Variants in LPXN observed in about 807,000 individuals in gnomAD.
LPXN encodes leupaxin.
LPXN carries 28 observed loss-of-function variants against 45.6 expected under a neutral mutation model. The ratio of observed to expected loss-of-function variants is 0.61; its 90% CI spans 0.45 to 0.84. The LOEUF is 0.84. LPXN is among the 40% of genes least tolerant of loss of function. LPXN has a pLI of 0.00. For synonymous variants in LPXN, 166 were observed against 169.9 expected (o/e 0.98, Z 0.18); for missense variants, 459 against 475.0 (o/e 0.97, Z 0.31).
At chr11:58,537,452 G>A (rs1288561074) in intron 7 of LPXN, among the ~76,000 whole-genome samples, 1 of 152,112 alleles carries the variant, frequency 6.6e-6, no homozygotes, top group Non-Finnish European at 1.5e-5. Context: ...ATAAGTGGGA[G>A]TTGAACAATG....
rs373163473 is a variant in LPXN, at chr11:58,527,469, C to T, written c.1146G>A (p.Lys382=). Residue 382 remains lysine (K), a synonymous_variant, in exon 9 of 9, where the codon AAG becomes AAA. Transcript: ENST00000395074. The part of the protein sequence containing the change: ...DKTYCQPCFN[K]LFPL ...TCAGTTGGCATTACAGTGGGAAGAG[C>T]TTATTGAAGCAAGGTTGACAATAGG... 6.2e-7 allele frequency: 1 copy of T among 1,614,162 alleles called. No individual in the cohort carries two copies. The highest frequency in any genetic ancestry group is 1.3e-5 in the African/African-American group (1 of 75,028).
At chr11:58,543,042 C>T (rs1853776736) in intron 7 of LPXN, among the ~76,000 whole-genome samples, 1 of 152,126 alleles carries the variant, frequency 6.6e-6, no homozygotes, top group South Asian at 2.1e-4. Flanking sequence ...CTTTGCTTAC[C>T]TCAGGGGTCT....
At chr11:58,534,981 T>C (rs1258964372) in intron 7 of LPXN, among the ~76,000 whole-genome samples, 8 of 152,160 alleles carry the variant, frequency 5.3e-5, no homozygotes, top group Non-Finnish European at 1.0e-4. Flanking sequence ...AGAAGTCAGA[T>C]CCCTGGATAG....
rs1237751274 is a variant in LPXN, at chr11:58,527,402, C to T, written c.*52G>A. 20 of 1,591,574 alleles carry T rather than the reference C, an allele frequency of 1.3e-5. No individual in the cohort carries two copies. Among genetic ancestry groups the T allele is most frequent in the Non-Finnish European group, 1.7e-5 (20 of 1,162,616 alleles). On this transcript the variant is annotated 3_prime_UTR_variant, in exon 9 of 9. Transcript: ENST00000395074. ...CAGAAAATTTACCCTTTCCTCTCCT[C>T]TCTTGGTTTAAATTTTATAAGGAAT...
At chr11:58,563,166 C>CACAATAT (rs1854428877) in intron 3 of LPXN, among the ~76,000 whole-genome samples, 2 of 152,294 alleles carry the variant, frequency 1.3e-5, no homozygotes, top group African/African-American at 4.8e-5. Context: ...CAAATATTTA[C>CACAATAT]TGAGGACCTA....
rs530342761 is a variant in LPXN, at chr11:58,549,983, G to A, written c.650C>T (p.Pro217Leu). The A allele has an allele frequency of 6.2e-7, 1 of 1,614,156 alleles. No individual in the cohort carries two copies. Among genetic ancestry groups the A allele is most frequent in the East Asian group, 2.2e-5 (1 of 44,892 alleles). The change falls in exon 6 of 9, where the codon CCC becomes CTC. Residue 217 changes from proline (P) to leucine (L), a missense_variant. By Grantham distance (98) the Pro-to-Leu change is moderately conservative. Transcript: ENST00000395074. ...CGGGGATTTACTTACATCCAGGATG[G>A]GAGCAGCGCAGTAAGCACAGCGTGG... is the stretch of plus-strand genomic sequence containing the variant. Reference protein sequence around the residue: ...FSPRCAYCAAPILDKVLTAMN... With the variant: ...FSPRCAYCAALILDKVLTAMN...
chr11:58,541,446 T>C (rs1405018702), intron 7 of LPXN, among the ~76,000 whole-genome samples: 4 of 152,044 alleles, frequency 2.6e-5, no homozygotes, highest in Non-Finnish European at 5.9e-5. Context: ...AAAATGCTCA[T>C]CATCACTGGC....
At chr11:58,578,070 A>G, upstream of LPXN, 1 of 1,550,102 alleles carries the variant, frequency 6.5e-7, no homozygotes, top group Non-Finnish European at 8.7e-7. Context: ...CCAGTCCCAG[A>G]GGAGGTGTCA....
At chr11:58,542,848 A>G (rs922007946) in intron 7 of LPXN, among the ~76,000 whole-genome samples, 3 of 152,218 alleles carry the variant, frequency 2.0e-5, no homozygotes, top group Admixed American at 2.0e-4. Flanking sequence ...CATTGGTAGG[A>G]AAAGTTTTCT....
intron 7 of LPXN, among the ~76,000 whole-genome samples, chr11:58,541,792 A>C (rs1853731658): frequency 1.3e-5 from 2 of 151,972 alleles, no homozygotes; most frequent in South Asian, 2.1e-4. Flanking sequence ...AACCAACCCA[A>C]ATGTCCAACA....
upstream of LPXN, chr11:58,578,148 A>G: frequency 2.8e-6 from 4 of 1,446,338 alleles, no homozygotes; most frequent in Non-Finnish European, 2.8e-6. Flanking sequence ...CAACGCCCAG[A>G]TAAAAAGTAA....
At chr11:58,564,958 G>C (rs1266370181) in intron 2 of LPXN, among the ~76,000 whole-genome samples, 1 of 152,126 alleles carries the variant, frequency 6.6e-6, no homozygotes, top group Non-Finnish European at 1.5e-5. Flanking sequence ...AAACCACCTG[G>C]AGCATCTGTG....
intron 1 of LPXN, among the ~76,000 whole-genome samples, chr11:58,574,505 T>C (rs892546173): frequency 1.1e-4 from 16 of 152,224 alleles, no homozygotes; most frequent in African/African-American, 2.2e-4. Flanking sequence ...CTTGATTTAC[T>C]AAATAAGTAT....
At position 58,570,689 on chromosome 11, in the gene LPXN, C is replaced by T. The variant is rs370781907; in HGVS notation, c.38G>A (p.Arg13His). The change falls in exon 2 of 9, where the codon CGC becomes CAC. Residue 13 changes from arginine to histidine, a missense_variant. Coordinates refer to ENST00000395074, the MANE Select transcript of LPXN (RefSeq NM_004811.3). ...ELDALLEELE[R>H]STLQDSDEYS... ...TTCATCACTGTCCTGAAGGGTGGAGCGTTCCAGTTCCTCCAATAAGGCATC... is the reference window on the plus strand; with the variant it reads ...TTCATCACTGTCCTGAAGGGTGGAGTGTTCCAGTTCCTCCAATAAGGCATC... 78 of 1,610,220 alleles carry T rather than the reference C, an allele frequency of 4.8e-5. No individual in the cohort carries two copies. Among genetic ancestry groups the T allele is most frequent in the Admixed American group, 1.5e-4 (9 of 59,826 alleles).
At chr11:58,553,208 C>T (rs866677292) in intron 4 of LPXN, among the ~76,000 whole-genome samples, 6 of 151,814 alleles carry the variant, frequency 4.0e-5, no homozygotes, top group African/African-American at 9.7e-5. Context: ...TGGTGGCACA[C>T]GCCTGTAATC....
At chr11:58,531,072 C>G (rs761495178) in intron 7 of LPXN, among the ~76,000 whole-genome samples, 1 of 152,114 alleles carries the variant, frequency 6.6e-6, no homozygotes, top group East Asian at 1.9e-4. Flanking sequence ...AAAGACCAAA[C>G]GTAGAAACAC....
At chr11:58,577,304 C>G (rs1461293331), upstream of LPXN, among the ~76,000 whole-genome samples, 1 of 152,118 alleles carries the variant, frequency 6.6e-6, no homozygotes, top group African/African-American at 2.4e-5. Context: ...ATGACATTAG[C>G]CCTATGAAAA....
chr11:58,539,861 G>T (rs1364880593), intron 7 of LPXN, among the ~76,000 whole-genome samples: 1 of 152,024 alleles, frequency 6.6e-6, no homozygotes, highest in African/African-American at 2.4e-5. Flanking sequence ...AAATATGGAA[G>T]GAATAATAGA....
intron 3 of LPXN, among the ~76,000 whole-genome samples, chr11:58,560,594 T>C (rs1217958796): frequency 2.0e-5 from 3 of 152,214 alleles, no homozygotes; most frequent in African/African-American, 7.2e-5. Flanking sequence ...GTAGCATTTA[T>C]TGAATGTCTG....
Sources: gnomAD v4.1 joint callset for allele counts (sites outside exome capture counted in the v4.1 genomes callset) on GRCh38, gnomAD v4.1.1 for gene constraint, MANE v1.5 for transcripts, NCBI Gene and HGNC (gene_info 2026-07-23, HGNC 2026-07-21) for gene names.